EEFSEC: variants seen among roughly 807,000 people sequenced by gnomAD.
EEFSEC encodes the protein eukaryotic elongation factor, selenocysteine-tRNA specific, also known as selenocysteine-specific elongation factor.
EEFSEC carries 43 observed loss-of-function variants against 42.1 expected under a neutral mutation model. The observed-to-expected ratio is 1.02, with a 90% CI of 0.80 to 1.32. EEFSEC has a LOEUF of 1.32. Ranked by LOEUF, EEFSEC falls within the 40% of genes most tolerant of loss-of-function variation. The pLI is 0.00. For synonymous variants in EEFSEC, 354 were observed against 339.1 expected (o/e 1.04, Z -0.48); for missense variants, 745 against 803.6 (o/e 0.93, Z 0.88).
intron 4 of EEFSEC, among the ~76,000 whole-genome samples, chr3:128,305,728 A>G (rs929313823): frequency 6.6e-6 from 1 of 152,162 alleles, no homozygotes; most frequent in African/African-American, 2.4e-5. Context: ...CTGGTTTTTA[A>G]GAACTTGCAA....
rs928541848 is a variant in EEFSEC at position 128,328,593 on chromosome 3, AAAG to A, written c.787-12637_787-12635del. 3.9e-5 allele frequency among the ~76,000 whole-genome samples: 6 copies of A among 152,352 alleles called. No homozygotes were observed. In the South Asian group the frequency reaches 8.3e-4, roughly 21 times the overall value. ...TTGTAATAAACAGAAATTATGAGCA[AAAG>A]AATAAACCTAGAGAGAAAGTCAGTT... On this transcript the variant is annotated intron_variant, in intron 4 of 6. Transcript: ENST00000254730.
intron 5 of EEFSEC, among the ~76,000 whole-genome samples, chr3:128,355,879 A>G (rs58413797): frequency 0.031 from 4,782 of 152,320 alleles, 265 homozygotes; most frequent in African/African-American, 0.11. Context: ...ACAGGGCAGG[A>G]TGAAGATTGG....
At chr3:128,407,107 G>A (rs767020847) in intron 6 of EEFSEC, among the ~76,000 whole-genome samples, 21 of 152,130 alleles carry the variant, frequency 1.4e-4, no homozygotes, top group Non-Finnish European at 2.5e-4. Context: ...CTGCAGAGAC[G>A]GTGCACAAAG....
At chr3:128,205,065 G>A (rs2065684465) in intron 1 of EEFSEC, among the ~76,000 whole-genome samples, 1 of 152,154 alleles carries the variant, frequency 6.6e-6, no homozygotes. Context: ...TTGATATAAG[G>A]TTGGTGCTCA....
At chr3:128,308,068 G>A (rs548098881) in intron 4 of EEFSEC, among the ~76,000 whole-genome samples, 32 of 152,220 alleles carry the variant, frequency 2.1e-4, no homozygotes, top group Non-Finnish European at 3.4e-4. Flanking sequence ...TGGAACTCAC[G>A]GCAACTTGCA....
intron 6 of EEFSEC, among the ~76,000 whole-genome samples, chr3:128,358,701 C>T (rs954987085): frequency 2.0e-5 from 3 of 152,188 alleles, no homozygotes; most frequent in East Asian, 1.9e-4. Context: ...AGCCTACAGG[C>T]AGTTTGGAGA....
In EEFSEC at chr3:128,341,383, C is replaced by A; in HGVS notation, c.937C>A (p.His313Asn). 6.2e-7 allele frequency: 1 copy of A among 1,614,194 alleles called. No homozygotes were observed. Among genetic ancestry groups the A allele is most frequent in the Non-Finnish European group, 8.5e-7 (1 of 1,180,036 alleles). Residue 313 changes from histidine (H) to asparagine (N), a missense_variant, in exon 5 of 7, where the codon CAT becomes AAT. By Grantham distance (68) the His-to-Asn change is moderately conservative. Transcript: ENST00000254730. ...TGCCCCCGAGTCCCTGCACACTGTCCATGCGGCCCTCATCTCTGTGGAAAA... is the reference window on the plus strand; with the variant it reads ...TGCCCCCGAGTCCCTGCACACTGTCAATGCGGCCCTCATCTCTGTGGAAAA... The part of the protein sequence containing the change: ...VCAPESLHTV[H>N]AALISVEKIP...
intron 1 of EEFSEC, among the ~76,000 whole-genome samples, chr3:128,214,754 T>C (rs899423663): frequency 1.3e-5 from 2 of 152,204 alleles, no homozygotes; most frequent in African/African-American, 4.8e-5. Flanking sequence ...TAGAATTACC[T>C]GGGATCTCTT....
intron 1 of EEFSEC, among the ~76,000 whole-genome samples, chr3:128,163,393 G>T (rs1374511049): frequency 6.6e-6 from 1 of 152,146 alleles, no homozygotes; most frequent in African/African-American, 2.4e-5. Context: ...CTGGAAGCTT[G>T]ATGGGGTAGA....
intron 4 of EEFSEC, among the ~76,000 whole-genome samples, chr3:128,307,664 T>C (rs2108014208): frequency 6.6e-6 from 1 of 152,220 alleles, no homozygotes; most frequent in East Asian, 1.9e-4. Context: ...CAGGAAAGTG[T>C]ATTTAGACTG....
At chr3:128,316,672 G>A (rs1181448045) in intron 4 of EEFSEC, among the ~76,000 whole-genome samples, 2 of 152,324 alleles carry the variant, frequency 1.3e-5, no homozygotes, top group East Asian at 3.9e-4. Flanking sequence ...TGAGCCCTGA[G>A]CCTGCCTGGA....
intron 4 of EEFSEC, among the ~76,000 whole-genome samples, chr3:128,289,041 G>A (rs888400181): frequency 2.6e-5 from 4 of 152,214 alleles, no homozygotes; most frequent in African/African-American, 9.7e-5. Context: ...CTGCTAAGGA[G>A]CTACAGGGAT....
At chr3:128,335,496 AGCAAG>A (rs2067180376) in intron 4 of EEFSEC, among the ~76,000 whole-genome samples, 1 of 152,202 alleles carries the variant, frequency 6.6e-6, no homozygotes, top group Non-Finnish European at 1.5e-5. Flanking sequence ...GGGAATGGGA[AGCAAG>A]GCCCACATGA....
In EEFSEC at chr3:128,290,435, G is replaced by A. The variant is rs142823203; in HGVS notation, c.786+25654G>A. Among the ~76,000 whole-genome samples, 333 of 152,142 alleles carry A rather than the reference G, an allele frequency of 2.2e-3. 3 individuals are homozygous for A. Among genetic ancestry groups the A allele is most frequent in the African/African-American group, 4.5e-3 (187 of 41,528 alleles). Reference sequence around the variant, plus strand: ...ACTTCTGTGCCAGTGCTCTGTTTACGTTTATTGTCTTCTCATGCTATCTTG... The same window carrying A: ...ACTTCTGTGCCAGTGCTCTGTTTACATTTATTGTCTTCTCATGCTATCTTG... On this transcript the variant is annotated intron_variant, in intron 4 of 6. Transcript: ENST00000254730.
chr3:128,363,347 A>G (rs1016448684), intron 6 of EEFSEC, among the ~76,000 whole-genome samples: 13 of 152,268 alleles, frequency 8.5e-5, no homozygotes, highest in Admixed American at 3.3e-4. Context: ...GGTAGCAAAC[A>G]TCCACACCTG....
At chr3:128,255,978 T>C (rs1329068364) in intron 2 of EEFSEC, among the ~76,000 whole-genome samples, 1 of 151,964 alleles carries the variant, frequency 6.6e-6, no homozygotes, top group East Asian at 1.9e-4. Flanking sequence ...TTTGGGGCTA[T>C]AGTGGGGGAA....
intron 5 of EEFSEC, among the ~76,000 whole-genome samples, chr3:128,342,983 C>T (rs2067272596): frequency 6.6e-6 from 1 of 152,262 alleles, no homozygotes; most frequent in African/African-American, 2.4e-5. Context: ...TCAGCAGCAG[C>T]TGTACTGGGA....
intron 1 of EEFSEC, among the ~76,000 whole-genome samples, chr3:128,223,136 C>G (rs1462388917): frequency 6.6e-6 from 1 of 152,216 alleles, no homozygotes; most frequent in Non-Finnish European, 1.5e-5. Flanking sequence ...ACTCTGGACA[C>G]TGAGGTTCAG....
At chr3:128,216,925 T>G (rs1481566749) in intron 1 of EEFSEC, among the ~76,000 whole-genome samples, 1 of 152,194 alleles carries the variant, frequency 6.6e-6, no homozygotes, top group Non-Finnish European at 1.5e-5. Flanking sequence ...ATACTTGACC[T>G]CATAGATGGA....
Sources: gnomAD v4.1 joint callset for allele counts (sites outside exome capture counted in the v4.1 genomes callset) on GRCh38, gnomAD v4.1.1 for gene constraint, MANE v1.5 for transcripts, NCBI Gene and HGNC (gene_info 2026-07-23, HGNC 2026-07-21) for gene names.